The following LRRC47 variants were observed in gnomAD, a reference collection of about 807,000 sequenced individuals.
The protein encoded by LRRC47 is leucine-rich repeat-containing protein 47.
Under a neutral mutation model 40.9 loss-of-function variants are expected in LRRC47, and 31 were observed. The observed-to-expected ratio is 0.76, with a 90% CI of 0.57 to 1.02. LRRC47 has a LOEUF of 1.02. Ranked by LOEUF, LRRC47 falls within the 50% of genes least tolerant of loss-of-function variation. The pLI is 0.00. For synonymous variants in LRRC47, 427 were observed against 371.9 expected, an observed-to-expected ratio of 1.15 and a Z score of -1.70; for missense variants, 726 against 796.1, an observed-to-expected ratio of 0.91 and a Z score of 1.06.
In LRRC47 at chr1:3,781,244, TG is replaced by T; in HGVS notation, c.1595del (p.Pro532GlnfsTer31). The T allele has an allele frequency of 6.2e-7, 1 of 1,614,246 alleles. No individual in the cohort carries two copies. The highest frequency in any genetic ancestry group is 8.5e-7 in the Non-Finnish European group (1 of 1,180,058). On this transcript the variant is annotated frameshift_variant, in exon 7 of 7. Coordinates refer to ENST00000378251, the MANE Select transcript of LRRC47 (RefSeq NM_020710.3). LOFTEE classifies it low-confidence loss of function (END_TRUNC). ...TEADAVSGQLPDPTTNPSAGK... is the reference protein window; with the variant it reads ...TEADAVSGQLXDPTTNPSAGK... ...CAGCACTGGGATTCGTTGTGGGATC[TG>T]GAAGTTGTCCAGAGACTGCATCGGC...
chr1:3,789,063 C>T (rs531901566), intron 1 of LRRC47, among the ~76,000 whole-genome samples: 7 of 152,372 alleles, frequency 4.6e-5, no homozygotes, highest in South Asian at 2.1e-4. Context: ...ACCTCCCTTC[C>T]GGCCCCACAT....
chr1:3,781,022 T>G lies in LRRC47; in HGVS notation c.*66A>C. The G allele has an allele frequency of 6.4e-7, 1 of 1,561,744 alleles. No individual in the cohort carries two copies. The highest frequency in any genetic ancestry group is 1.2e-5 in the South Asian group (1 of 84,480). ...ACTGGGGTGAAAATCTAACGGATAATTCAGCATTGCCGCATAGAAACCTCC... is the reference window on the plus strand; with the variant it reads ...ACTGGGGTGAAAATCTAACGGATAAGTCAGCATTGCCGCATAGAAACCTCC... On this transcript the variant is annotated 3_prime_UTR_variant, in exon 7 of 7. Transcript: ENST00000378251.
intron 4 of LRRC47, 184 bp from the exon 5 acceptor site, chr1:3,782,947 T>C (rs1366113668): frequency 3.4e-6 from 2 of 593,294 alleles, no homozygotes; most frequent in Admixed American, 5.6e-5. Flanking sequence ...ATCACTATGG[T>C]GAGCTCCTGG....
chr1:3,787,013 C>G lies in LRRC47; in HGVS notation c.913G>C (p.Gly305Arg). 1 of 1,611,632 alleles carries G rather than the reference C, an allele frequency of 6.2e-7. No homozygotes were observed. Among genetic ancestry groups the G allele is most frequent in the Non-Finnish European group, 8.5e-7 (1 of 1,179,026 alleles). ...TGCAGGACCCTGAGCAGCAGCCGGC[C>G]GGCATCTCCCACGTCCTGCTCCTCC... Reference protein sequence around the residue: ...DGEEQDVGDAGRLLLRVLHVS... With the variant: ...DGEEQDVGDARRLLLRVLHVS... Residue 305 changes from glycine (G) to arginine (R), a missense_variant, in exon 2 of 7, where the codon GGC (glycine) becomes CGC (arginine). Physicochemically the swap from Gly to Arg is moderately radical, Grantham distance 125. Coordinates refer to ENST00000378251, the MANE Select transcript of LRRC47 (RefSeq NM_020710.3).
In LRRC47 at chr1:3,786,928, C is replaced by T. The variant is rs749845846; in HGVS notation, c.998G>A (p.Arg333Gln). ...VRVSPEVRDV[R>Q]PYIVGAVVRG... ...CACCACGGCCCCCACAATGTAGGGC[C>T]GCACATCCCGGACCTCGGGGCTCAC... Residue 333 changes from arginine to glutamine, a missense_variant, in exon 2 of 7, where the codon CGG becomes CAG. Transcript: ENST00000378251. 1.2e-6 allele frequency: 2 copies of T among 1,607,604 alleles called. No homozygotes were observed. The highest frequency in any genetic ancestry group is 1.7e-5 in the Admixed American group (1 of 59,318).
chr1:3,795,053 CAAAAAA>C (rs35186516), intron 1 of LRRC47, among the ~76,000 whole-genome samples: 4 of 61,618 alleles, frequency 6.5e-5, no homozygotes, highest in Non-Finnish European at 9.6e-5. Flanking sequence ...GACTACATCT[CAAAAAA>C]AAAAAAAAAA....
intron 5 of LRRC47, 118 bp from the exon 6 acceptor site, chr1:3,781,719 C>T (rs1039211608): frequency 1.8e-5 from 14 of 796,412 alleles, no homozygotes; most frequent in Middle Eastern, 3.4e-4. Flanking sequence ...GTGGCTCACA[C>T]CTGTAAATCC....
At chr1:3,794,393 C>T (rs9424298) in intron 1 of LRRC47, among the ~76,000 whole-genome samples, 17,192 of 151,986 alleles carry the variant, frequency 0.11, 1,647 homozygotes, top group East Asian at 0.5. Context: ...CACAGGGTCT[C>T]GCTCTGTTCA....
intron 1 of LRRC47, among the ~76,000 whole-genome samples, chr1:3,790,889 G>C (rs2124613921): frequency 3.1e-5 from 1 of 31,834 alleles, no homozygotes; most frequent in Middle Eastern, 0.013. Context: ...AGGACAGGCA[G>C]AAGCTCTGTG....
At chr1:3,781,376 G>A in intron 6 of LRRC47, 40 bp from the exon 7 acceptor site, 1 of 1,599,644 alleles carries the variant, frequency 6.3e-7, no homozygotes, top group Non-Finnish European at 8.5e-7. Flanking sequence ...GAGATGAGAG[G>A]TGACCCAGGG....
rs1439015777 is a variant in LRRC47, at chr1:3,778,897, G to A, written c.*2191C>T. 1 of 152,268 alleles carries A rather than the reference G, an allele frequency of 6.6e-6. No homozygotes were observed. The highest frequency in any genetic ancestry group is 1.5e-5 in the Non-Finnish European group (1 of 68,072). 9.4% of individuals were successfully genotyped at this position (152,268 alleles called of 1,614,324 possible). A position where few individuals can be genotyped will look rare whatever the true frequency, so the allele number is the denominator to read the frequency against. ...TCAGAGCAACTGTCTGGGGTCCCCA[G>A]CCCCAGAACTCCAGCAGAGTCCTGG... On this transcript the variant is annotated 3_prime_UTR_variant, in exon 7 of 7. Transcript: ENST00000378251.
intron 3 of LRRC47, among the ~76,000 whole-genome samples, chr1:3,784,594 C>A (rs1369032032): frequency 1.3e-5 from 2 of 152,234 alleles, no homozygotes; most frequent in Non-Finnish European, 2.9e-5. Flanking sequence ...CCAACGACTG[C>A]TCATCCGCCG....
chr1:3,794,933 A>C (rs1381733863), intron 1 of LRRC47, among the ~76,000 whole-genome samples: 1 of 151,606 alleles, frequency 6.6e-6, no homozygotes, highest in East Asian at 2.0e-4. Context: ...GTGCGCCTGT[A>C]AGCCCAGCTA....
intron 1 of LRRC47, among the ~76,000 whole-genome samples, chr1:3,793,436 C>T (rs747833088): frequency 1.6e-4 from 25 of 152,174 alleles, no homozygotes; most frequent in Non-Finnish European, 3.2e-4. Flanking sequence ...GCCAAGCTAA[C>T]TTTGGGAGAC....
intron 1 of LRRC47, among the ~76,000 whole-genome samples, chr1:3,792,172 A>G (rs1368139326): frequency 6.6e-6 from 1 of 152,230 alleles, no homozygotes; most frequent in South Asian, 2.1e-4. Flanking sequence ...GCGTAGCTAC[A>G]TTGCTGGGCA....
rs1643510218 is a variant in LRRC47, at chr1:3,780,718, A to G, written c.*370T>C. 5.3e-6 allele frequency: 1 copy of G among 188,702 alleles called. No individual in the cohort carries two copies. The highest frequency in any genetic ancestry group is 5.7e-5 in the Admixed American group (1 of 17,410). The allele number at this position is 188,702 out of a possible 1,614,324, so 11.7% of individuals were successfully genotyped here. A position where few individuals can be genotyped will look rare whatever the true frequency, so the allele number is the denominator to read the frequency against. ...TTTGGGAGGCTGAGGCGGGTGGATC[A>G]CGTAATCCCAGCACTTTGAGGGGCA... On this transcript the variant is annotated 3_prime_UTR_variant, in exon 7 of 7. Coordinates refer to ENST00000378251, the MANE Select transcript of LRRC47 (RefSeq NM_020710.3).
chr1:3,782,660 C>T lies in LRRC47; in HGVS notation c.1413+1G>A. 6.4e-7 allele frequency: 1 copy of T among 1,555,612 alleles called. No individual in the cohort carries two copies. Among genetic ancestry groups the T allele is most frequent in the Non-Finnish European group, 8.9e-7 (1 of 1,126,400 alleles). The stretch of plus-strand genomic sequence containing the variant: ...CCATGTTCACACACATGCCACCCTA[C>T]CTTTGTCTTCTCACTGTTGGTTATT... On this transcript the variant is annotated splice_donor_variant, in intron 5 of 6. Coordinates refer to ENST00000378251, the MANE Select transcript of LRRC47 (RefSeq NM_020710.3). LOFTEE classifies it high-confidence loss of function.
chr1:3,781,385 G>C (rs763453745), intron 6 of LRRC47, 49 bp from the exon 7 acceptor site: 4 of 1,595,186 alleles, frequency 2.5e-6, no homozygotes, highest in Non-Finnish European at 3.4e-6. Flanking sequence ...GGTGACCCAG[G>C]GAAGACATGC....
intron 6 of LRRC47, 36 bp downstream of exon 6, chr1:3,781,476 A>ACCACTCACGCTCC (rs765055342): frequency 3.2e-5 from 52 of 1,602,100 alleles, no homozygotes; most frequent in Admixed American, 8.4e-5. Context: ...ACTCACGCTC[A>ACCACTCACGCTCC]AAAGCGTTTC....
Sources: allele counts gnomAD v4.1 joint callset (sites outside exome capture counted in the v4.1 genomes callset), GRCh38; gene constraint gnomAD v4.1.1; transcripts MANE v1.5; gene names NCBI Gene and HGNC (gene_info 2026-07-23, HGNC 2026-07-21).